Variants in PRKCD observed in about 807,000 individuals in gnomAD.
The protein encoded by PRKCD is protein kinase C delta, also known as protein kinase C delta type.
Under a neutral mutation model 82.2 loss-of-function variants are expected in PRKCD, and 20 were observed. The ratio of observed to expected loss-of-function variants is 0.24; its 90% confidence interval spans 0.17 to 0.35. The LOEUF (loss-of-function observed/expected upper bound fraction) is 0.35. Among genes scored for constraint, PRKCD ranks in the 10% least tolerant of loss-of-function variants. The pLI, the probability that PRKCD is intolerant of heterozygous loss-of-function variation, is 1.00. For synonymous variants in PRKCD, 317 were observed against 337.0 expected (o/e 0.94, Z 0.65); for missense variants, 607 against 899.0 (o/e 0.68, Z 4.15).
At chr3:53,189,689 C>G (rs1386193758) in intron 17 of PRKCD, among the ~76,000 whole-genome samples, 184 bp from the exon 18 acceptor site, 1 of 152,228 alleles carries the variant, frequency 6.6e-6, no homozygotes, top group Non-Finnish European at 1.5e-5. Flanking sequence ...AGCCCAGAGC[C>G]TGTCATCTCC....
At position 53,189,984 on chromosome 3, in the gene PRKCD, C is replaced by T; in HGVS notation, c.1855C>T (p.Pro619Ser). The T allele has an allele frequency of 6.2e-7, 1 of 1,614,166 alleles. No individual in the cohort carries two copies. The highest frequency in any genetic ancestry group is 8.5e-7 in the Non-Finnish European group (1 of 1,180,020). The change falls in exon 18 of 19, where the codon CCT becomes TCT. Residue 619 changes from proline (P) to serine (S), a missense_variant. Physicochemically the swap from Pro to Ser is moderately conservative, Grantham distance 74 (BLOSUM62 -1). Transcript: ENST00000330452. Reference protein sequence around the residue: ...TLLEKRRLEPPFRPKVKSPRD... With the variant: ...TLLEKRRLEPSFRPKVKSPRD... ...GCTGGAAAAGCGGAGGTTGGAGCCA[C>T]CTTTCAGGCCCAAAGTGGTATGTGA...
At chr3:53,187,298 C>G in intron 14 of PRKCD, 42 bp from the exon 15 acceptor site, 1 of 1,610,914 alleles carries the variant, frequency 6.2e-7, no homozygotes, top group Non-Finnish European at 8.5e-7. Context: ...AGAGGCTGCT[C>G]GGCAGAGATC....
intron 9 of PRKCD, among the ~76,000 whole-genome samples, chr3:53,184,322 G>A (rs1466072376): frequency 1.5e-5 from 2 of 129,254 alleles, no homozygotes; most frequent in Admixed American, 8.6e-5. Context: ...GTGACAGAGT[G>A]AGACTCCGTC....
At chr3:53,183,998 G>A (rs561712454) in intron 9 of PRKCD, among the ~76,000 whole-genome samples, 9 of 152,158 alleles carry the variant, frequency 5.9e-5, no homozygotes, top group African/African-American at 1.2e-4. Context: ...AAAGGGTTTC[G>A]AATTAGGTCC....
intron 18 of PRKCD, among the ~76,000 whole-genome samples, chr3:53,191,362 C>T (rs1470285765): frequency 6.6e-6 from 1 of 152,112 alleles, no homozygotes; most frequent in Non-Finnish European, 1.5e-5. Flanking sequence ...GAGCCGAGAT[C>T]GTGCCACTGC....
At chr3:53,184,675 C>CAAA (rs535517121) in intron 9 of PRKCD, among the ~76,000 whole-genome samples, 199 bp from the exon 10 acceptor site, 11 of 116,722 alleles carry the variant, frequency 9.4e-5, no homozygotes, top group Non-Finnish European at 1.2e-4. Context: ...AACTCCATCT[C>CAAA]AAAAAAAAAA....
chr3:53,165,634 C>T (rs1575522295), intron 2 of PRKCD, among the ~76,000 whole-genome samples: 1 of 152,234 alleles, frequency 6.6e-6, no homozygotes, highest in African/African-American at 2.4e-5. Flanking sequence ...TCCCCGTGGG[C>T]CCCACAGTGG....
intron 1 of PRKCD, among the ~76,000 whole-genome samples, chr3:53,162,996 C>T (rs1293959054): frequency 6.6e-6 from 1 of 151,930 alleles, no homozygotes; most frequent in Non-Finnish European, 1.5e-5. Context: ...GGGGTTTCCT[C>T]GTTCCTGCTG....
intron 15 of PRKCD, 33 bp downstream of exon 15, chr3:53,187,435 A>G (rs1266051113): frequency 6.2e-7 from 1 of 1,608,854 alleles, no homozygotes; most frequent in African/African-American, 1.3e-5. Context: ...GGCTCTTGGG[A>G]GGGGAGGCTC....
At chr3:53,171,823 G>A (rs1248150539) in intron 2 of PRKCD, among the ~76,000 whole-genome samples, 3 of 152,228 alleles carry the variant, frequency 2.0e-5, no homozygotes, top group African/African-American at 7.2e-5. Context: ...GAGCAGGACA[G>A]GGCCAGGGAG....
rs782592704 is a variant in PRKCD, at chr3:53,178,491, G to A, written c.69G>A (p.Ala23=). The stretch of plus-strand genomic sequence containing the variant: ...GCTCCCTGCAGGCCGAGGACGAGGC[G>A]AACCAGCCCTTCTGTGCCGTGAAGA... ...ELGSLQAEDE[A]NQPFCAVKMK... The change falls in exon 3 of 19, where the codon GCG becomes GCA. Residue 23 remains alanine (A), a synonymous_variant. Transcript: ENST00000330452. 24 of 1,613,086 alleles carry A rather than the reference G, an allele frequency of 1.5e-5. No homozygotes were observed. The highest frequency in any genetic ancestry group is 4.4e-5 in the South Asian group (4 of 91,042).
At chr3:53,164,660 T>C (rs1008955469) in intron 1 of PRKCD, among the ~76,000 whole-genome samples, 7 of 151,836 alleles carry the variant, frequency 4.6e-5, no homozygotes, top group African/African-American at 9.7e-5. Context: ...CGCCACATCA[T>C]TGGAACCTCA....
intron 1 of PRKCD, among the ~76,000 whole-genome samples, chr3:53,162,274 G>C (rs868961901): frequency 1.3e-5 from 2 of 152,058 alleles, no homozygotes; most frequent in Admixed American, 6.5e-5. Flanking sequence ...GGAGGTCGGG[G>C]GGGGGGGTCC....
rs782659087 is a variant in PRKCD, at chr3:53,186,684, C to T, written c.1341C>T (p.Leu447=). 17 of 1,613,624 alleles carry T rather than the reference C, an allele frequency of 1.1e-5. No homozygotes were observed. The African/African-American group carries it at 2.3e-4, about 22-fold the overall frequency. Residue 447 remains leucine (L), a synonymous_variant, in exon 14 of 19, where the codon CTC becomes CTT. Coordinates refer to ENST00000330452, the MANE Select transcript of PRKCD (RefSeq NM_006254.4). ...TCCAGGACAAAGGCCGCTTTGAACTCTACCGTGCCACGTACGTAAGGGCCA... is the reference window on the plus strand; with the variant it reads ...TCCAGGACAAAGGCCGCTTTGAACTTTACCGTGCCACGTACGTAAGGGCCA... ...YHIQDKGRFE[L]YRATFYAAEI... is the part of the protein sequence containing the mutation.
chr3:53,183,044 G>T, intron 7 of PRKCD, 77 bp from the exon 8 acceptor site: 1 of 1,464,806 alleles, frequency 6.8e-7, no homozygotes, highest in Non-Finnish European at 9.6e-7. Flanking sequence ...GGCTAGACTG[G>T]TCGGCAGGCA....
At chr3:53,161,587 C>A (rs1553662959) in intron 1 of PRKCD, 159 bp downstream of exon 1, 1 of 151,978 alleles carries the variant, frequency 6.6e-6, no homozygotes, top group African/African-American at 2.4e-5. Context: ...TGACTCCGTC[C>A]CCCTGTCCGT....
intron 7 of PRKCD, 146 bp from the exon 8 acceptor site, chr3:53,182,975 G>T: frequency 2.6e-6 from 2 of 761,466 alleles, no homozygotes; most frequent in Non-Finnish European, 4.5e-6. Flanking sequence ...AGACTCAAGC[G>T]CTGGGCCTCT....
chr3:53,166,740 C>T lies in PRKCD; in HGVS notation c.-20+1525C>T, dbSNP rs370486631. 1.8e-4 allele frequency among the ~76,000 whole-genome samples: 27 copies of T among 152,386 alleles called. No individual in the cohort carries two copies. The East Asian group carries it at 4.6e-3, about 26-fold the overall frequency. ...CATCTGGCACCTGAGGGGCAAGTTC[C>T]AGGTGTGGCTGTGATCTCAGTAAGG... On this transcript the variant is annotated intron_variant, in intron 2 of 18. Coordinates refer to ENST00000330452, the MANE Select transcript of PRKCD (RefSeq NM_006254.4).
chr3:53,177,364 A>G (rs1410938094), intron 2 of PRKCD, among the ~76,000 whole-genome samples: 1 of 152,172 alleles, frequency 6.6e-6, no homozygotes, highest in Admixed American at 6.5e-5. Flanking sequence ...CTCGACCCCA[A>G]GGGGTCAATT....
Sources: allele counts gnomAD v4.1 joint callset (sites outside exome capture counted in the v4.1 genomes callset), GRCh38; gene constraint gnomAD v4.1.1; transcripts MANE v1.5; gene names NCBI Gene and HGNC (gene_info 2026-07-23, HGNC 2026-07-21).